ZMAT4: variants seen among roughly 807,000 people sequenced by gnomAD.
The protein encoded by ZMAT4 is zinc finger matrin-type 4.
ZMAT4 carries 17 observed loss-of-function variants against 28.7 expected under a neutral mutation model. The observed-to-expected ratio is 0.59, with a 90% CI of 0.41 to 0.89. The LOEUF is 0.89. ZMAT4 is among the 40% of genes least tolerant of loss of function. The pLI, the probability that ZMAT4 is intolerant of heterozygous loss-of-function variation, is 0.00. For synonymous variants in ZMAT4, 117 were observed against 109.2 expected (o/e 1.07, Z -0.44); for missense variants, 240 against 283.8 (o/e 0.85, Z 1.11).
intron 6 of ZMAT4, among the ~76,000 whole-genome samples, chr8:40,554,243 C>A (rs1263522728): frequency 6.6e-6 from 1 of 152,000 alleles, no homozygotes; most frequent in African/African-American, 2.4e-5. Context: ...CAAATACAAC[C>A]TCAATCAAAC....
chr8:40,727,541 A>C (rs990945411), intron 3 of ZMAT4, among the ~76,000 whole-genome samples: 1 of 152,194 alleles, frequency 6.6e-6, no homozygotes, highest in Non-Finnish European at 1.5e-5. Flanking sequence ...ATACTTGAAC[A>C]AAATTGGAGA....
At chr8:40,724,451 A>C (rs2150520644) in intron 3 of ZMAT4, among the ~76,000 whole-genome samples, 1 of 152,340 alleles carries the variant, frequency 6.6e-6, no homozygotes, top group Middle Eastern at 3.4e-3. Context: ...TTTATAAATA[A>C]GTACATCATT....
intron 6 of ZMAT4, among the ~76,000 whole-genome samples, chr8:40,555,847 C>G (rs193138572): frequency 1.9e-4 from 29 of 152,258 alleles, no homozygotes; most frequent in African/African-American, 6.3e-4. Context: ...CAGGATTCTC[C>G]CATTCTATTT....
At chr8:40,618,385 G>C (rs1563369515) in intron 5 of ZMAT4, among the ~76,000 whole-genome samples, 2 of 152,170 alleles carry the variant, frequency 1.3e-5, no homozygotes, top group African/African-American at 2.4e-5. Flanking sequence ...TGTCAGAGGG[G>C]CTGGGGAAAC....
chr8:40,608,708 A>G (rs1247788630), intron 5 of ZMAT4, among the ~76,000 whole-genome samples: 2 of 152,282 alleles, frequency 1.3e-5, no homozygotes, highest in Non-Finnish European at 2.9e-5. Flanking sequence ...TCCCTGTGAG[A>G]CAAAGTCAGA....
chr8:40,773,915 A>G lies in ZMAT4; in HGVS notation c.103-6185T>C, dbSNP rs140470290. 4.3e-3 allele frequency among the ~76,000 whole-genome samples: 653 copies of G among 152,270 alleles called. 3 individuals are homozygous for G. The highest frequency in any genetic ancestry group is 0.015 in the African/African-American group (605 of 41,574). ...ACAGAACAAATATAATATGGCTTTAATGGCAGAATAAACAGACAAATACAT... is the reference window on the plus strand; with the variant it reads ...ACAGAACAAATATAATATGGCTTTAGTGGCAGAATAAACAGACAAATACAT... On this transcript the variant is annotated intron_variant, in intron 2 of 6. Transcript: ENST00000297737.
At chr8:40,542,414 G>A (rs1461750393) in intron 6 of ZMAT4, among the ~76,000 whole-genome samples, 3 of 151,852 alleles carry the variant, frequency 2.0e-5, no homozygotes, top group Admixed American at 1.3e-4. Flanking sequence ...TTAGAGACAG[G>A]ATCTCACTCT....
At chr8:40,819,853 T>C (rs1586109150) in intron 2 of ZMAT4, among the ~76,000 whole-genome samples, 1 of 152,024 alleles carries the variant, frequency 6.6e-6, no homozygotes, top group East Asian at 1.9e-4. Context: ...TATGTGTATA[T>C]TCTAAATATA....
intron 3 of ZMAT4, among the ~76,000 whole-genome samples, chr8:40,752,809 A>C (rs1585994157): frequency 6.6e-6 from 1 of 150,480 alleles, no homozygotes; most frequent in Non-Finnish European, 1.5e-5. Context: ...ACCTGAGTCC[A>C]CTCTGCATCT....
intron 6 of ZMAT4, among the ~76,000 whole-genome samples, chr8:40,579,535 A>G (rs1804383511): frequency 6.6e-6 from 1 of 152,206 alleles, no homozygotes; most frequent in African/African-American, 2.4e-5. Context: ...AATGCAAGCC[A>G]TGGAACTGGC....
At chr8:40,884,665 C>A in intron 1 of ZMAT4, 1 of 152,446 alleles carries the variant, frequency 6.6e-6, no homozygotes. Flanking sequence ...TGCAAAAATG[C>A]TTTGCTTAGT....
chr8:40,585,550 G>T (rs1384573151), intron 5 of ZMAT4, among the ~76,000 whole-genome samples: 2 of 151,874 alleles, frequency 1.3e-5, no homozygotes, highest in East Asian at 3.9e-4. Context: ...TACTCCTTTT[G>T]GGAACTTAAA....
intron 6 of ZMAT4, among the ~76,000 whole-genome samples, chr8:40,561,215 C>T (rs762134049): frequency 1.3e-4 from 19 of 151,870 alleles, no homozygotes; most frequent in Non-Finnish European, 2.6e-4. Context: ...GTTACTATAT[C>T]TTTAATTTTT....
rs1803494371 is a variant in ZMAT4, at chr8:40,555,194, C to G, written c.675-22956G>C. Among the ~76,000 whole-genome samples the G allele has an allele frequency of 2.6e-5, 4 of 152,228 alleles. 1 individual carries two copies. The South Asian group carries it at 8.3e-4, about 32-fold the overall frequency. ...ATAATATTCCATTGTGTATATACTA[C>G]ATTTTCTTTATCCTTTCATCCATTG... On this transcript the variant is annotated intron_variant, in intron 6 of 6. Transcript: ENST00000297737.
intron 1 of ZMAT4, among the ~76,000 whole-genome samples, chr8:40,881,335 G>A (rs1818213652): frequency 6.6e-6 from 1 of 150,996 alleles, no homozygotes; most frequent in South Asian, 2.1e-4. Flanking sequence ...GTTTCAGTGA[G>A]CTGTGAGACA....
At chr8:40,887,712 A>G (rs1227746778) in intron 1 of ZMAT4, among the ~76,000 whole-genome samples, 1 of 152,158 alleles carries the variant, frequency 6.6e-6, no homozygotes, top group African/African-American at 2.4e-5. Context: ...GAGACACGGC[A>G]GAGGGGAAAG....
chr8:40,728,159 C>T (rs1034377866), intron 3 of ZMAT4, among the ~76,000 whole-genome samples: 1 of 152,086 alleles, frequency 6.6e-6, no homozygotes, highest in African/African-American at 2.4e-5. Flanking sequence ...TGACAATGTC[C>T]TTAAGATAAA....
chr8:40,758,128 T>C (rs1234794071), intron 3 of ZMAT4, among the ~76,000 whole-genome samples: 5 of 152,304 alleles, frequency 3.3e-5, no homozygotes, highest in Admixed American at 3.3e-4. Context: ...CGGCCTATTG[T>C]TGGATCTCAC....
chr8:40,840,632 T>C (rs1217175920), intron 1 of ZMAT4, among the ~76,000 whole-genome samples: 3 of 152,174 alleles, frequency 2.0e-5, no homozygotes, highest in African/African-American at 7.2e-5. Flanking sequence ...TTCCCAAAGA[T>C]TCAGAACTCC....
Sources: allele counts gnomAD v4.1 joint callset (sites outside exome capture counted in the v4.1 genomes callset), GRCh38; gene constraint gnomAD v4.1.1; transcripts MANE v1.5; gene names NCBI Gene and HGNC (gene_info 2026-07-23, HGNC 2026-07-21).